Variants in ITCH observed in about 807,000 individuals in gnomAD.
ITCH encodes E3 ubiquitin-protein ligase Itchy homolog.
In ITCH, 28 loss-of-function variants were observed where a neutral mutation model predicts 126.8. The observed-to-expected ratio is 0.22, with a 90% CI of 0.16 to 0.30. The LOEUF (loss-of-function observed/expected upper bound fraction) is 0.30, where lower values mean the gene tolerates loss of function less well. ITCH is among the 10% of genes least tolerant of loss of function. The pLI is 1.00. For synonymous variants in ITCH, 342 were observed against 340.0 expected, an observed-to-expected ratio of 1.01 and a Z score of -0.06; for missense variants, 631 against 1,032.4, an observed-to-expected ratio of 0.61 and a Z score of 5.33.
intron 7 of ITCH, among the ~76,000 whole-genome samples, chr20:34,427,359 G>A (rs1981674863): frequency 6.6e-6 from 1 of 152,200 alleles, no homozygotes; most frequent in South Asian, 2.1e-4. Context: ...GCCAAGACAG[G>A]AGGATCACTT....
At chr20:34,432,285 GA>G (rs1259887863) in intron 7 of ITCH, among the ~76,000 whole-genome samples, 1 of 152,002 alleles carries the variant, frequency 6.6e-6, no homozygotes, top group Non-Finnish European at 1.5e-5. Flanking sequence ...ATTCATTGCT[GA>G]ATAAATTTAG....
rs531955875 is a variant in ITCH at position 34,462,141 on chromosome 20, A to G, written c.1344A>G (p.Thr448=). The change falls in exon 14 of 25, where the codon ACA becomes ACG. Residue 448 remains threonine, a synonymous_variant. Transcript: ENST00000374864. ...PLPEGWEMRF[T]VDGIPYFVDH... is the part of the protein sequence containing the mutation. ...CTGAAGGTTGGGAAATGAGATTCAC[A>G]GTGGATGGAATTCCATATTTTGTGG... The G allele has an allele frequency of 3.1e-6, 5 of 1,613,550 alleles. No individual in the cohort carries two copies. The South Asian group carries it at 5.5e-5, about 18-fold the overall frequency.
chr20:34,419,656 TGCCTTTTTCTTTTTTTGAGACG>T (rs892987904), intron 6 of ITCH, among the ~76,000 whole-genome samples: 15 of 152,138 alleles, frequency 9.9e-5, no homozygotes, highest in African/African-American at 3.6e-4. Context: ...TTTTCAGTGT[TGCCTTTTTCTTTTTTTGAGACG>T]GAGTCTCACT....
chr20:34,491,896 T>C (rs767910856), intron 22 of ITCH, among the ~76,000 whole-genome samples: 4 of 152,286 alleles, frequency 2.6e-5, no homozygotes, highest in Non-Finnish European at 5.9e-5. Context: ...TTCTGTGAGT[T>C]TGATTAAAGT....
At chr20:34,487,962 T>A (rs1398848624) in intron 20 of ITCH, among the ~76,000 whole-genome samples, 1 of 152,190 alleles carries the variant, frequency 6.6e-6, no homozygotes, top group African/African-American at 2.4e-5. Flanking sequence ...AAGAAGCTCA[T>A]AATAATATAA....
At chr20:34,488,652 G>T (rs925476369) in intron 20 of ITCH, among the ~76,000 whole-genome samples, 8 of 152,132 alleles carry the variant, frequency 5.3e-5, no homozygotes, top group Non-Finnish European at 1.0e-4. Context: ...GGTGGAGGCT[G>T]CAGTGAGCCC....
At chr20:34,507,014 T>A (rs1180159627) in intron 24 of ITCH, among the ~76,000 whole-genome samples, 1 of 152,196 alleles carries the variant, frequency 6.6e-6, no homozygotes, top group African/African-American at 2.4e-5. Flanking sequence ...CTGTTTATGC[T>A]GCTATAAACA....
At chr20:34,487,793 A>G (rs1447657813) in intron 20 of ITCH, among the ~76,000 whole-genome samples, 1 of 151,938 alleles carries the variant, frequency 6.6e-6, no homozygotes, top group Non-Finnish European at 1.5e-5. Context: ...ACAAAAATCA[A>G]CTAGGCATGG....
chr20:34,442,690 T>C (rs1450067280), intron 10 of ITCH, among the ~76,000 whole-genome samples: 1 of 147,374 alleles, frequency 6.8e-6, no homozygotes. Context: ...ATTCCTTAGG[T>C]GGGCTGGGCG....
chr20:34,483,369 G>A (rs1361935511), intron 20 of ITCH, among the ~76,000 whole-genome samples: 1 of 152,110 alleles, frequency 6.6e-6, no homozygotes, highest in Non-Finnish European at 1.5e-5. Context: ...AAAACTGAAT[G>A]CCTTTAACAG....
chr20:34,462,069 T>C (rs755396599), intron 13 of ITCH, 24 bp from the exon 14 acceptor site: 3 of 1,611,906 alleles, frequency 1.9e-6, no homozygotes, highest in Non-Finnish European at 2.5e-6. Context: ...TATTTTTGTT[T>C]ATGTTTTTTC....
chr20:34,501,693 T>C (rs2146555233), intron 23 of ITCH, among the ~76,000 whole-genome samples: 1 of 150,610 alleles, frequency 6.6e-6, no homozygotes, highest in Admixed American at 6.6e-5. Flanking sequence ...GAGAATCGCT[T>C]GAACCTGGGA....
intron 22 of ITCH, among the ~76,000 whole-genome samples, chr20:34,491,219 A>G (rs1460694395): frequency 6.6e-6 from 1 of 152,240 alleles, no homozygotes; most frequent in African/African-American, 2.4e-5. Context: ...CTAAAAAGTA[A>G]TGAGATTTTT....
Position 34,489,849 on chromosome 20 carries a change from G to A in ITCH, c.2242G>A (p.Asp748Asn), listed in dbSNP as rs1398695748. The A allele has an allele frequency of 6.2e-7, 1 of 1,613,728 alleles. No individual in the cohort carries two copies. ...EVLLCGMQEI[D>N]LNDWQRHAIY... ...CCTTTTATGTGGAATGCAAGAGATT[G>A]ATTTGAATGACTGGCAAAGACATGC... is the stretch of plus-strand genomic sequence containing the variant. The change falls in exon 22 of 25, where the codon GAT becomes AAT. Residue 748 changes from aspartate (D) to asparagine (N), a missense_variant. This residue lies in a region of ITCH where 390 missense variants were observed against 731.6 expected (regional missense o/e 0.53). Coordinates refer to ENST00000374864, the MANE Select transcript of ITCH (RefSeq NM_031483.7).
At chr20:34,418,582 C>G (rs1276705342) in intron 6 of ITCH, among the ~76,000 whole-genome samples, 4 of 151,940 alleles carry the variant, frequency 2.6e-5, no homozygotes, top group Non-Finnish European at 1.5e-5. Flanking sequence ...TTTGAAGTTA[C>G]TAGATCTCAA....
chr20:34,413,371 T>C (rs1979326097), intron 5 of ITCH, among the ~76,000 whole-genome samples: 2 of 152,218 alleles, frequency 1.3e-5, no homozygotes, highest in Admixed American at 1.3e-4. Flanking sequence ...TAGGACTTAT[T>C]AGATATAATT....
At chr20:34,418,163 C>T (rs1980212252) in intron 6 of ITCH, among the ~76,000 whole-genome samples, 1 of 151,890 alleles carries the variant, frequency 6.6e-6, no homozygotes, top group Non-Finnish European at 1.5e-5. Context: ...CAGGTTCTCA[C>T]TCTGTTGCCC....
rs1485231587 is a variant in ITCH, at chr20:34,373,925, GC to G, written c.-22+4457del. ...TTTTAAGATGCAGTCTTGCTTTGTC[GC>G]CAGGCTGGAGTGCAGTGGCACAGTC... On this transcript the variant is annotated intron_variant, in intron 2 of 24. Coordinates refer to ENST00000374864, the MANE Select transcript of ITCH (RefSeq NM_031483.7). 6.0e-5 allele frequency among the ~76,000 whole-genome samples: 9 copies of G among 149,034 alleles called. No homozygotes were observed. In the East Asian group the frequency reaches 1.8e-3, roughly 29 times the overall value.
At chr20:34,365,672 C>T (rs1012588150) in intron 1 of ITCH, among the ~76,000 whole-genome samples, 1 of 152,194 alleles carries the variant, frequency 6.6e-6, no homozygotes, top group African/African-American at 2.4e-5. Context: ...GCCTTGGCCT[C>T]CCAAAGTGCT....
Sources: allele counts gnomAD v4.1 joint callset (sites outside exome capture counted in the v4.1 genomes callset), GRCh38; gene constraint gnomAD v4.1.1; regional missense constraint gnomAD v4.1.1; transcripts MANE v1.5; gene names NCBI Gene and HGNC (gene_info 2026-07-23, HGNC 2026-07-21).